Variants in DMRT1 observed in about 807,000 individuals in gnomAD.
DMRT1 encodes doublesex- and mab-3-related transcription factor 1.
Under a neutral mutation model 32.3 loss-of-function variants are expected in DMRT1, and 7 were observed. That is an observed-to-expected ratio of 0.22 (90% CI 0.12 to 0.41). The LOEUF is 0.41. DMRT1 is among the 10% of genes least tolerant of loss of function. The pLI, the probability that DMRT1 is intolerant of heterozygous loss-of-function variation, is 1.00. For missense variants in DMRT1, 625 were observed against 500.5 expected, an observed-to-expected ratio of 1.25 and a Z score of -2.37; for synonymous variants, 278 against 206.1, an observed-to-expected ratio of 1.35 and a Z score of -2.99.
rs374128222 is a variant in DMRT1, at chr9:968,031, G to C, written c.1014G>C (p.Ser338=). ...SSQDSGLVSL[S]SSSPISNKST... ...AAGATTCTGGCTTGGTTTCCCTCTC[G>C]AGCAGCTCTCCTATTAGTAACAAGA... The change falls in exon 5 of 5, where the codon TCG becomes TCC. Residue 338 remains serine (S), a synonymous_variant. Coordinates refer to ENST00000382276, the MANE Select transcript of DMRT1 (RefSeq NM_021951.3). 1 of 1,613,810 alleles carries C rather than the reference G, an allele frequency of 6.2e-7. No homozygotes were observed. Among genetic ancestry groups the C allele is most frequent in the Non-Finnish European group, 8.5e-7 (1 of 1,180,016 alleles).
chr9:925,487 A>C (rs908123183), intron 4 of DMRT1, among the ~76,000 whole-genome samples: 3 of 152,202 alleles, frequency 2.0e-5, no homozygotes, highest in African/African-American at 7.2e-5. Flanking sequence ...TGCTTATTCA[A>C]TATTCACACT....
Position 968,419 on chromosome 9 carries a change from G to T in DMRT1, c.*280G>T, listed in dbSNP as rs1369248014. On this transcript the variant is annotated 3_prime_UTR_variant, in exon 5 of 5. Transcript: ENST00000382276. ...TTCATGTAGTTTTCAAGAAATAAAAGAATTCATTCAAGTGAAGCCATTTGT... is the reference window on the plus strand; with the variant it reads ...TTCATGTAGTTTTCAAGAAATAAAATAATTCATTCAAGTGAAGCCATTTGT... 1 of 369,296 alleles carries T rather than the reference G, an allele frequency of 2.7e-6. No homozygotes were observed. 22.9% of individuals were successfully genotyped at this position (369,296 alleles called of 1,614,324 possible).
intron 2 of DMRT1, among the ~76,000 whole-genome samples, chr9:851,175 T>G (rs1839134729): frequency 6.6e-6 from 1 of 152,178 alleles, no homozygotes; most frequent in South Asian, 2.1e-4. Flanking sequence ...AACTTTCTAC[T>G]TTCTAATACC....
intron 4 of DMRT1, among the ~76,000 whole-genome samples, chr9:929,627 A>G (rs531382351): frequency 6.6e-6 from 1 of 152,098 alleles, no homozygotes; most frequent in Non-Finnish European, 1.5e-5. Context: ...AGACACATTC[A>G]TATATGTAAA....
chr9:882,765 T>TC (rs907015705), intron 2 of DMRT1, among the ~76,000 whole-genome samples: 1 of 148,114 alleles, frequency 6.8e-6, no homozygotes, highest in African/African-American at 2.5e-5. Flanking sequence ...TGAATCTTTT[T>TC]TTTTTTTTTT....
intron 1 of DMRT1, among the ~76,000 whole-genome samples, chr9:844,276 C>T (rs143894690): frequency 1.2e-3 from 179 of 152,290 alleles, no homozygotes; most frequent in Non-Finnish European, 1.8e-3. Context: ...AAAACAACTA[C>T]TTCTAGTCAT....
intron 2 of DMRT1, among the ~76,000 whole-genome samples, chr9:854,770 T>A (rs1564198298): frequency 1.6e-5 from 2 of 125,918 alleles, no homozygotes; most frequent in African/African-American, 3.0e-5. Flanking sequence ...AAAACAAAAC[T>A]CCTTTTTTTT....
At chr9:885,517 C>G (rs1816892690) in intron 2 of DMRT1, among the ~76,000 whole-genome samples, 1 of 152,190 alleles carries the variant, frequency 6.6e-6, no homozygotes, top group Non-Finnish European at 1.5e-5. Context: ...GGTCAAATGG[C>G]CTAGGCCCAT....
chr9:902,026 C>T (rs1334001437), intron 3 of DMRT1, among the ~76,000 whole-genome samples: 3 of 150,952 alleles, frequency 2.0e-5, no homozygotes, highest in African/African-American at 2.4e-5. Context: ...TCTCCTGCCT[C>T]AGCGTCCTGA....
At chr9:858,644 C>T (rs145885792) in intron 2 of DMRT1, among the ~76,000 whole-genome samples, 8 of 152,020 alleles carry the variant, frequency 5.3e-5, no homozygotes, top group South Asian at 2.1e-4. Flanking sequence ...GAGGCCGAGG[C>T]GGGCAGATCA....
intron 2 of DMRT1, among the ~76,000 whole-genome samples, chr9:887,601 G>T (rs1816981445): frequency 6.6e-6 from 1 of 152,128 alleles, no homozygotes; most frequent in South Asian, 2.1e-4. Context: ...AGCGCGTCTT[G>T]TCCTTTCTCT....
intron 3 of DMRT1, among the ~76,000 whole-genome samples, chr9:908,482 A>G (rs778817647): frequency 6.6e-6 from 1 of 151,902 alleles, no homozygotes; most frequent in Non-Finnish European, 1.5e-5. Context: ...AAAAAGACTG[A>G]TGTGAATTTC....
chr9:913,680 A>G (rs1199210434), intron 3 of DMRT1, among the ~76,000 whole-genome samples: 1 of 150,670 alleles, frequency 6.6e-6, no homozygotes, highest in African/African-American at 2.4e-5. Context: ...GGATCACTTG[A>G]GGCCAGGAAT....
intron 1 of DMRT1, chr9:843,094 G>T (rs1366383283): frequency 1.3e-5 from 2 of 152,248 alleles, no homozygotes; most frequent in Admixed American, 6.5e-5. Context: ...GAGGGTTTCG[G>T]GGTTCGATTT....
chr9:938,899 G>A (rs946429997), intron 4 of DMRT1, among the ~76,000 whole-genome samples: 1 of 152,196 alleles, frequency 6.6e-6, no homozygotes, highest in African/African-American at 2.4e-5. Context: ...TGATCATGTT[G>A]AACACTAATA....
chr9:939,161 C>T (rs1215637868), intron 4 of DMRT1, among the ~76,000 whole-genome samples: 1 of 152,222 alleles, frequency 6.6e-6, no homozygotes, highest in African/African-American at 2.4e-5. Context: ...CCTGACCTAG[C>T]CCTGCTCATC....
intron 2 of DMRT1, among the ~76,000 whole-genome samples, chr9:890,171 T>C (rs553994316): frequency 2.1e-5 from 3 of 142,148 alleles, no homozygotes; most frequent in African/African-American, 7.8e-5. Context: ...TCAGGCCGAC[T>C]GAGCTGAGAT....
At chr9:870,910 C>T (rs917111397) in intron 2 of DMRT1, among the ~76,000 whole-genome samples, 3 of 151,944 alleles carry the variant, frequency 2.0e-5, no homozygotes, top group Middle Eastern at 3.4e-3. Flanking sequence ...AACAGGGTTT[C>T]TCCATGTTGC....
In DMRT1 at chr9:851,326, C is replaced by T. The variant is rs147292387; in HGVS notation, c.538+4183C>T. Among the ~76,000 whole-genome samples the T allele has an allele frequency of 7.4e-3, 1,126 of 152,256 alleles. 12 individuals carry two copies. Among genetic ancestry groups the T allele is most frequent in the African/African-American group, 0.026 (1,082 of 41,560 alleles). On this transcript the variant is annotated intron_variant, in intron 2 of 4. Coordinates refer to ENST00000382276, the MANE Select transcript of DMRT1 (RefSeq NM_021951.3). ...CAATCTTGGCTCACTGCAACCTCCA[C>T]CTCCCGGGCTCAGACGATTCTCTCA...
Sources: allele counts gnomAD v4.1 joint callset (sites outside exome capture counted in the v4.1 genomes callset), GRCh38; gene constraint gnomAD v4.1.1; transcripts MANE v1.5; gene names NCBI Gene and HGNC (gene_info 2026-07-23, HGNC 2026-07-21).